The following CWF19L2 variants were observed in gnomAD, a reference collection of about 807,000 sequenced individuals.
The protein encoded by CWF19L2 is CWF19 like cell cycle control factor 2, also known as CWF19-like protein 2.
CWF19L2 carries 98 observed loss-of-function variants against 111.7 expected under a neutral mutation model. The ratio of observed to expected loss-of-function variants is 0.88; its 90% CI spans 0.75 to 1.04. CWF19L2 has a LOEUF of 1.04. Among genes scored for constraint, CWF19L2 ranks in the 50% least tolerant of loss-of-function variants. The pLI is 0.00. For missense variants in CWF19L2, 1,101 were observed against 1,051.4 expected (o/e 1.05, Z -0.65); for synonymous variants, 351 against 342.9 (o/e 1.02, Z -0.26).
chr11:107,441,029 T>C (rs74550720), intron 5 of CWF19L2, among the ~76,000 whole-genome samples: 2 of 152,310 alleles, frequency 1.3e-5, no homozygotes, highest in Admixed American at 6.5e-5. Context: ...CAGCACTTCC[T>C]TACTTCTCTG....
At chr11:107,334,628 T>C (rs1859895091) in intron 16 of CWF19L2, among the ~76,000 whole-genome samples, 1 of 152,204 alleles carries the variant, frequency 6.6e-6, no homozygotes, top group South Asian at 2.1e-4. Context: ...ATAGCTGCCA[T>C]AGCCAATTAT....
At chr11:107,443,877 C>G (rs1861666026) in intron 3 of CWF19L2, among the ~76,000 whole-genome samples, 1 of 152,194 alleles carries the variant, frequency 6.6e-6, no homozygotes, top group African/African-American at 2.4e-5. Context: ...ATCAAGAAAA[C>G]TAGGGCCACC....
rs115603672 is a variant in CWF19L2 at position 107,389,053 on chromosome 11, C to T, written c.1872+1021G>A. Among the ~76,000 whole-genome samples, 1,327 of 152,250 alleles carry T rather than the reference C, an allele frequency of 8.7e-3. 16 individuals carry two copies. Among genetic ancestry groups the T allele is most frequent in the African/African-American group, 0.03 (1,261 of 41,534 alleles). Reference sequence around the variant, plus strand: ...ACCTTGGTTACTTTATCTTAGTTTTCATTAAGTTTAATTTTTTTACCAGGT... The same window carrying T: ...ACCTTGGTTACTTTATCTTAGTTTTTATTAAGTTTAATTTTTTTACCAGGT... On this transcript the variant is annotated intron_variant, in intron 12 of 17. Coordinates refer to ENST00000282251, the MANE Select transcript of CWF19L2 (RefSeq NM_152434.3).
chr11:107,343,663 G>A (rs143583067), intron 14 of CWF19L2, among the ~76,000 whole-genome samples: 438 of 151,586 alleles, frequency 2.9e-3, no homozygotes, highest in African/African-American at 9.6e-3. Flanking sequence ...CTTGCCTTCC[G>A]ATGGTTATTT....
rs1859794404 is a variant in CWF19L2, at chr11:107,328,386, T to C, written c.2542-1333A>G. On this transcript the variant is annotated intron_variant, in intron 17 of 17. Transcript: ENST00000282251. The stretch of plus-strand genomic sequence containing the variant: ...GTCTATAAAATACCAAGTTTTGTCT[T>C]ACATCTACCATATAAGCTTGACTCT... Among the ~76,000 whole-genome samples the C allele has an allele frequency of 1.3e-5, 2 of 152,172 alleles. 1 individual carries two copies. Among genetic ancestry groups the C allele is most frequent in the South Asian group, 4.1e-4 (2 of 4,830 alleles).
intron 6 of CWF19L2, among the ~76,000 whole-genome samples, chr11:107,434,654 C>A (rs1306004584): frequency 4.4e-5 from 6 of 135,184 alleles, no homozygotes; most frequent in African/African-American, 8.5e-5. Context: ...CTAAAATATA[C>A]TATTTAATAT....
In CWF19L2 at chr11:107,334,936, T is replaced by A. The variant is rs1034252761; in HGVS notation, c.2384A>T (p.Glu795Val). ...TATCAACTTCTTGTTCATGGACCACTCTTCATCAGATTCCATTATGGCTTT... is the reference window on the plus strand; with the variant it reads ...TATCAACTTCTTGTTCATGGACCACACTTCATCAGATTCCATTATGGCTTT... Reference protein sequence around the residue: ...FKKAIMESDEEWSMNKKLIDL... With the variant: ...FKKAIMESDEVWSMNKKLIDL... The change falls in exon 16 of 18, where the codon GAG (glutamate) becomes GTG (valine). Residue 795 changes from glutamate (E) to valine (V), a missense_variant. Transcript: ENST00000282251. 37 of 1,605,310 alleles carry A rather than the reference T, an allele frequency of 2.3e-5. No individual in the cohort carries two copies. Among genetic ancestry groups the A allele is most frequent in the Non-Finnish European group, 3.0e-5 (35 of 1,172,624 alleles).
At chr11:107,393,373 T>C (rs1860876568) in intron 10 of CWF19L2, among the ~76,000 whole-genome samples, 1 of 152,196 alleles carries the variant, frequency 6.6e-6, no homozygotes, top group Non-Finnish European at 1.5e-5. Flanking sequence ...GTTTTCTGAC[T>C]CTTCAGAAGG....
At chr11:107,367,726 T>C (rs566736615) in intron 12 of CWF19L2, among the ~76,000 whole-genome samples, 1 of 102,966 alleles carries the variant, frequency 9.7e-6, no homozygotes, top group African/African-American at 3.8e-5. Context: ...TACCTAATGC[T>C]AGATGACGAG....
At chr11:107,457,636 G>A (rs1861874140) in intron 1 of CWF19L2, 76 bp downstream of exon 1, 2 of 1,043,056 alleles carry the variant, frequency 1.9e-6, no homozygotes, top group East Asian at 2.6e-5. Context: ...TAAGGGAAGG[G>A]GTGAGTGGGC....
chr11:107,330,362 A>G lies in CWF19L2; in HGVS notation c.2440-343T>C, dbSNP rs77941725. Reference sequence around the variant, plus strand: ...TAGACTACACAAATAGAGAATAAGTATATGCCTTCTTGTATTCCACTCACA... The same window carrying G: ...TAGACTACACAAATAGAGAATAAGTGTATGCCTTCTTGTATTCCACTCACA... On this transcript the variant is annotated intron_variant, in intron 16 of 17. Transcript: ENST00000282251. Among the ~76,000 whole-genome samples, 1,394 of 152,282 alleles carry G rather than the reference A, an allele frequency of 9.2e-3. 20 individuals are homozygous for G. Among genetic ancestry groups the G allele is most frequent in the African/African-American group, 0.032 (1,326 of 41,552 alleles).
At chr11:107,353,819 T>C (rs541644675) in intron 12 of CWF19L2, 83 bp from the exon 13 acceptor site, 2 of 985,276 alleles carry the variant, frequency 2.0e-6, no homozygotes, top group African/African-American at 1.6e-5. Flanking sequence ...AATCTGTATC[T>C]GTAAGTTCTA....
At chr11:107,409,539 A>C (rs1414159878) in intron 10 of CWF19L2, among the ~76,000 whole-genome samples, 1 of 152,156 alleles carries the variant, frequency 6.6e-6, no homozygotes, top group East Asian at 1.9e-4. Context: ...TAAAGTACAA[A>C]GCTAAATTCC....
At chr11:107,357,691 C>T (rs183422628) in intron 12 of CWF19L2, among the ~76,000 whole-genome samples, 7 of 152,296 alleles carry the variant, frequency 4.6e-5, no homozygotes, top group African/African-American at 1.7e-4. Context: ...CCTCCTCCTG[C>T]AGCCTCAAAT....
chr11:107,448,992 T>C (rs1861740571), intron 3 of CWF19L2, among the ~76,000 whole-genome samples: 1 of 150,376 alleles, frequency 6.6e-6, no homozygotes, highest in Middle Eastern at 3.2e-3. Flanking sequence ...ATTGATTCAC[T>C]GAAAAATAAT....
chr11:107,338,351 T>C (rs1859957688), intron 14 of CWF19L2, among the ~76,000 whole-genome samples: 1 of 152,218 alleles, frequency 6.6e-6, no homozygotes. Flanking sequence ...ATTTCAAGAA[T>C]GTTACATGAA....
intron 1 of CWF19L2, among the ~76,000 whole-genome samples, chr11:107,456,562 G>A (rs1206067261): frequency 2.0e-5 from 3 of 151,232 alleles, no homozygotes; most frequent in Non-Finnish European, 2.9e-5. Context: ...CCTGGCTGTA[G>A]TCATTTTCTT....
intron 10 of CWF19L2, among the ~76,000 whole-genome samples, chr11:107,395,788 C>T (rs7937821): frequency 0.2 from 29,966 of 152,096 alleles, 3,035 homozygotes; most frequent in South Asian, 0.25. Flanking sequence ...ATTTTTGGCA[C>T]ATGTATGTTA....
At chr11:107,395,791 G>A (rs1310749905) in intron 10 of CWF19L2, among the ~76,000 whole-genome samples, 1 of 152,160 alleles carries the variant, frequency 6.6e-6, no homozygotes, top group African/African-American at 2.4e-5. Context: ...TTTGGCACAT[G>A]TATGTTACTA....
Sources: gnomAD v4.1 joint callset for allele counts (sites outside exome capture counted in the v4.1 genomes callset) on GRCh38, gnomAD v4.1.1 for gene constraint, MANE v1.5 for transcripts, NCBI Gene and HGNC (gene_info 2026-07-23, HGNC 2026-07-21) for gene names.